Variants in PPFIA1 observed in about 807,000 individuals in gnomAD.
PPFIA1 encodes PPFI scaffold protein A1.
In PPFIA1, 25 loss-of-function variants were observed where a neutral mutation model predicts 149.9. The ratio of observed to expected loss-of-function variants is 0.17; its 90% confidence interval spans 0.12 to 0.23. PPFIA1 has a LOEUF of 0.23. Among genes scored for constraint, PPFIA1 ranks in the 10% least tolerant of loss-of-function variants. The pLI, the probability that PPFIA1 is intolerant of heterozygous loss-of-function variation, is 1.00. For missense variants in PPFIA1, 1,362 were observed against 1,506.5 expected (o/e 0.90, Z 1.59); for synonymous variants, 549 against 552.8 (o/e 0.99, Z 0.10).
intron 14 of PPFIA1, among the ~76,000 whole-genome samples, chr11:70,342,892 G>C (rs541400592): frequency 2.8e-5 from 4 of 145,276 alleles, no homozygotes; most frequent in South Asian, 4.4e-4. Context: ...TTTACACTAG[G>C]AACATTCAAG....
At position 70,374,922 on chromosome 11, in the gene PPFIA1, G is replaced by T; in HGVS notation, c.3144G>T (p.Val1048=). Residue 1048 remains valine, a synonymous_variant, in exon 24 of 28, where the codon GTG becomes GTT. Transcript: ENST00000253925. ...REESQSEIKD[V]LVWSNDRVIR... ...ATTGTCTTTATTCTTTTGCAGACGT[G>T]CTTGTTTGGAGCAATGATCGAGTGA... 6.2e-7 allele frequency: 1 copy of T among 1,610,928 alleles called. No individual in the cohort carries two copies. The highest frequency in any genetic ancestry group is 1.1e-5 in the South Asian group (1 of 90,482).
intron 3 of PPFIA1, 90 bp from the exon 4 acceptor site, chr11:70,324,757 A>G: frequency 1.6e-6 from 2 of 1,245,174 alleles, no homozygotes; most frequent in African/African-American, 1.5e-5. Flanking sequence ...TCATTTTAGT[A>G]TGAGACTGTA....
In PPFIA1 at chr11:70,299,009, C is replaced by T. The variant is rs559706677; in HGVS notation, c.265-25393C>T. On this transcript the variant is annotated intron_variant, in intron 2 of 27. Transcript: ENST00000253925. ...ATCCCAGCACTTTGGGAGGCTGAGG[C>T]AGGCGGATCACTTGAGCTCAGGAGT... is the stretch of plus-strand genomic sequence containing the variant. 7.2e-5 allele frequency among the ~76,000 whole-genome samples: 11 copies of T among 152,268 alleles called. No individual in the cohort carries two copies. In the East Asian group the frequency reaches 1.9e-3, roughly 27 times the overall value.
In PPFIA1 at chr11:70,313,318, C is replaced by T. The variant is rs74676494; in HGVS notation, c.265-11084C>T. Among the ~76,000 whole-genome samples, 831 of 152,254 alleles carry T rather than the reference C, an allele frequency of 5.5e-3. 6 individuals carry two copies. Among genetic ancestry groups the T allele is most frequent in the African/African-American group, 0.018 (731 of 41,540 alleles). On this transcript the variant is annotated intron_variant, in intron 2 of 27. Transcript: ENST00000253925. ...AACAGAAGTGTGTGTTATGACTTCT[C>T]ATTTGGGTTAGAAGTTATTAGGGGG... is the stretch of plus-strand genomic sequence containing the variant.
chr11:70,323,567 G>C (rs371611560), intron 2 of PPFIA1, among the ~76,000 whole-genome samples: 2 of 152,184 alleles, frequency 1.3e-5, no homozygotes, highest in Admixed American at 6.5e-5. Context: ...GAACAGAGTC[G>C]CTGCCTCACT....
intron 16 of PPFIA1, chr11:70,351,158 A>G (rs1369303185): frequency 5.7e-6 from 2 of 348,772 alleles, no homozygotes; most frequent in Admixed American, 5.7e-5. Flanking sequence ...AAGTGTTTAA[A>G]GTGACCTAGC....
intron 15 of PPFIA1, among the ~76,000 whole-genome samples, chr11:70,345,056 CA>C (rs2055603418): frequency 6.7e-6 from 1 of 149,704 alleles, no homozygotes; most frequent in Admixed American, 6.7e-5. Context: ...GTGATGCAAG[CA>C]GCCCGTACTC....
intron 2 of PPFIA1, among the ~76,000 whole-genome samples, chr11:70,296,575 G>A (rs890045964): frequency 5.9e-4 from 90 of 151,884 alleles, no homozygotes; most frequent in Non-Finnish European, 7.9e-4. Flanking sequence ...GCAGGCACTC[G>A]GCAGGCTGAG....
At chr11:70,351,959 A>T (rs2056080680) in intron 16 of PPFIA1, among the ~76,000 whole-genome samples, 1 of 152,192 alleles carries the variant, frequency 6.6e-6, no homozygotes. Flanking sequence ...GTACATTAGG[A>T]GGAGATCTGC....
At chr11:70,375,779 G>A (rs74328478) in intron 24 of PPFIA1, among the ~76,000 whole-genome samples, 357 of 147,236 alleles carry the variant, frequency 2.4e-3, no homozygotes, top group Middle Eastern at 0.014. Context: ...GACAGAGTGA[G>A]ACCCCCATCC....
intron 2 of PPFIA1, among the ~76,000 whole-genome samples, chr11:70,279,719 CTAGG>C (rs1325914366): frequency 7.5e-6 from 1 of 133,132 alleles, no homozygotes; most frequent in Non-Finnish European, 1.6e-5. Flanking sequence ...GTGTATGTGT[CTAGG>C]TGTGTGTGTG....
intron 2 of PPFIA1, among the ~76,000 whole-genome samples, chr11:70,314,135 G>A (rs1416523379): frequency 6.6e-6 from 1 of 152,214 alleles, no homozygotes; most frequent in Non-Finnish European, 1.5e-5. Context: ...CCGGAAATGT[G>A]GAACCCCAGG....
intron 13 of PPFIA1, 41 bp from the exon 14 acceptor site, chr11:70,339,130 T>C: frequency 6.2e-7 from 1 of 1,607,890 alleles, no homozygotes; most frequent in South Asian, 1.1e-5. Flanking sequence ...GTTTATTTTC[T>C]TTTCTTCTAA....
At chr11:70,283,153 CTT>C (rs556952303) in intron 2 of PPFIA1, among the ~76,000 whole-genome samples, 11 of 142,386 alleles carry the variant, frequency 7.7e-5, no homozygotes, top group Non-Finnish European at 6.2e-5. Context: ...TGACCGAGTG[CTT>C]TTTTTTTTTT....
At chr11:70,360,949 CAATT>C (rs1324118961) in intron 19 of PPFIA1, among the ~76,000 whole-genome samples, 2 of 152,150 alleles carry the variant, frequency 1.3e-5, no homozygotes, top group Non-Finnish European at 2.9e-5. Flanking sequence ...TTTTTTAAAA[CAATT>C]AGCCTCTTTG....
At chr11:70,324,822 T>C in intron 3 of PPFIA1, 25 bp from the exon 4 acceptor site, 6 of 1,517,454 alleles carry the variant, frequency 4.0e-6, no homozygotes, top group Non-Finnish European at 5.4e-6. Flanking sequence ...GTTTAACAAG[T>C]CTTTATTTTG....
At chr11:70,278,787 C>T in intron 2 of PPFIA1, 1 of 342,972 alleles carries the variant, frequency 2.9e-6, no homozygotes, top group Non-Finnish European at 5.7e-6. Flanking sequence ...TTCCAACTTG[C>T]TCAAGTAGAA....
rs554780689 is a variant in PPFIA1 at position 70,362,000 on chromosome 11, G to A, written c.2583-95G>A. ...GGTCTTGAACTCCTGGGCTCAAGTGGTCCTCCTGCCTTGGCCTCCCAGAGA... is the reference window on the plus strand; with the variant it reads ...GGTCTTGAACTCCTGGGCTCAAGTGATCCTCCTGCCTTGGCCTCCCAGAGA... On this transcript the variant is annotated intron_variant, in intron 19 of 27. Transcript: ENST00000253925. 5.4e-5 allele frequency: 60 copies of A among 1,119,578 alleles called. 1 individual carries two copies. The South Asian group carries it at 7.6e-4, about 14-fold the overall frequency. 69.4% of individuals were successfully genotyped at this position (1,119,578 alleles called of 1,614,324 possible). A position where few individuals can be genotyped will look rare whatever the true frequency, so the allele number is the denominator to read the frequency against.
intron 9 of PPFIA1, 40 bp from the exon 10 acceptor site, chr11:70,333,430 G>C: frequency 6.6e-7 from 1 of 1,520,736 alleles, no homozygotes; most frequent in Non-Finnish European, 9.1e-7. Context: ...CGTTAATGAA[G>C]TGTAAGGATG....
Sources: gnomAD v4.1 joint callset for allele counts (sites outside exome capture counted in the v4.1 genomes callset) on GRCh38, gnomAD v4.1.1 for gene constraint, MANE v1.5 for transcripts, NCBI Gene and HGNC (gene_info 2026-07-23, HGNC 2026-07-21) for gene names.